The following TACC1 variants were observed in gnomAD, a reference collection of about 807,000 sequenced individuals.
The protein encoded by TACC1 is transforming acidic coiled-coil containing protein 1, also known as transforming acidic coiled-coil-containing protein 1.
Under a neutral mutation model 84.4 loss-of-function variants are expected in TACC1, and 48 were observed. The observed-to-expected ratio is 0.57, with a 90% CI of 0.45 to 0.72. The LOEUF (loss-of-function observed/expected upper bound fraction) is 0.72. Ranked by LOEUF, TACC1 falls within the 30% of genes least tolerant of loss-of-function variation. The pLI, the probability that TACC1 is intolerant of heterozygous loss-of-function variation, is 0.00. For missense variants in TACC1, 920 were observed against 973.0 expected (o/e 0.95, Z 0.72); for synonymous variants, 372 against 376.3 (o/e 0.99, Z 0.13).
In TACC1 at chr8:38,820,226, A is replaced by G. The variant is rs776960695; in HGVS notation, c.982A>G (p.Thr328Ala). 26 of 1,614,172 alleles carry G rather than the reference A, an allele frequency of 1.6e-5. No individual in the cohort carries two copies. The highest frequency in any genetic ancestry group is 2.2e-5 in the Non-Finnish European group (26 of 1,180,018). ...LKLEFDFTED[T>A]GNIEARKALP... Reference sequence around the variant, plus strand: ...GCTTGAGTTTGATTTCACAGAAGATACAGGAAACATAGAGGCCAGGAAAGC... The same window carrying G: ...GCTTGAGTTTGATTTCACAGAAGATGCAGGAAACATAGAGGCCAGGAAAGC... Residue 328 changes from threonine to alanine, a missense_variant, in exon 3 of 13, where the codon ACA (threonine) becomes GCA (alanine). By Grantham distance (58) the Thr-to-Ala change is moderately conservative. Transcript: ENST00000317827.
chr8:38,819,550 A>G lies in TACC1; in HGVS notation c.306A>G (p.Val102=), dbSNP rs1475333735. The stretch of plus-strand genomic sequence containing the variant: ...CACAAGAAGCTGATGAACAGCTTGT[A>G]GCAGAAGTGGTTGAAAAATGTTCAT... ...QESQEADEQL[V]AEVVEKCSSK... The change falls in exon 3 of 13, where the codon GTA becomes GTG. Residue 102 remains valine (V), a synonymous_variant. Coordinates refer to ENST00000317827, the MANE Select transcript of TACC1 (RefSeq NM_006283.3). 2 of 1,612,324 alleles carry G rather than the reference A, an allele frequency of 1.2e-6. No homozygotes were observed. Among genetic ancestry groups the G allele is most frequent in the Non-Finnish European group, 1.7e-6 (2 of 1,178,526 alleles).
chr8:38,777,241 G>T (rs2151923217), intron 3 of TACC1, among the ~76,000 whole-genome samples: 2 of 149,142 alleles, frequency 1.3e-5, no homozygotes, highest in Middle Eastern at 7.0e-3. Flanking sequence ...GGGCAACAGA[G>T]TGAGACTCCA....
intron 2 of TACC1, among the ~76,000 whole-genome samples, chr8:38,812,342 G>A (rs1005116180): frequency 6.6e-6 from 1 of 152,072 alleles, no homozygotes; most frequent in African/African-American, 2.4e-5. Flanking sequence ...AAACATGCTG[G>A]TTTTGCAGCT....
chr8:38,839,176 A>C (rs1270862273), intron 8 of TACC1: 8 of 346,656 alleles, frequency 2.3e-5, no homozygotes, highest in Admixed American at 9.6e-5. Context: ...GGCATGAGCC[A>C]CAGCGCCTGG....
chr8:38,828,214 C>T (rs1028221535), intron 5 of TACC1: 57 of 152,138 alleles, frequency 3.7e-4, no homozygotes, highest in African/African-American at 1.3e-3. Flanking sequence ...TTTGCATATA[C>T]TCATTCATAG....
chr8:38,789,014 C>T (rs944376930), intron 2 of TACC1, among the ~76,000 whole-genome samples, 195 bp downstream of exon 2: 2 of 152,084 alleles, frequency 1.3e-5, no homozygotes, highest in East Asian at 3.8e-4. Flanking sequence ...AGAGTTTGTG[C>T]ATTTGCAGTA....
upstream of TACC1, among the ~76,000 whole-genome samples, chr8:38,782,456 T>C (rs1816219841): frequency 6.6e-6 from 1 of 152,220 alleles, no homozygotes; most frequent in Non-Finnish European, 1.5e-5. Context: ...GTCTTTGCTA[T>C]TGTGAATAGT....
intron 4 of TACC1, 69 bp downstream of exon 4, chr8:38,825,437 T>C: frequency 6.3e-7 from 1 of 1,575,790 alleles, no homozygotes. Flanking sequence ...TGCATCCCCC[T>C]GGCGGGTGGT....
intron 2 of TACC1, among the ~76,000 whole-genome samples, chr8:38,811,270 C>T (rs562155105): frequency 4.0e-5 from 6 of 150,918 alleles, no homozygotes; most frequent in African/African-American, 1.2e-4. Flanking sequence ...CCCAAGCATT[C>T]ACTAGTATTT....
chr8:38,787,161 G>A (rs1427225947), upstream of TACC1: 69 of 984,452 alleles, frequency 7.0e-5, no homozygotes, highest in Non-Finnish European at 8.2e-5. Context: ...CGCGCGAGTA[G>A]TACGGTCCGA....
chr8:38,785,883 C>T (rs1277336357), upstream of TACC1: 1 of 222,232 alleles, frequency 4.5e-6, no homozygotes, highest in Non-Finnish European at 7.6e-6. Context: ...TCGAAAGCAT[C>T]CTGACACCCC....
At chr8:38,785,758 C>A, upstream of TACC1, 1 of 979,792 alleles carries the variant, frequency 1.0e-6, no homozygotes, top group Non-Finnish European at 1.2e-6. Context: ...CCTAAAACTA[C>A]AACAGTTGGA....
At chr8:38,813,462 C>T (rs1166199947) in intron 2 of TACC1, among the ~76,000 whole-genome samples, 1 of 152,184 alleles carries the variant, frequency 6.6e-6, no homozygotes, top group Non-Finnish European at 1.5e-5. Flanking sequence ...AGCCCATTGC[C>T]TAGTCCATCC....
chr8:38,788,753 C>G lies in TACC1; in HGVS notation c.211C>G (p.Arg71Gly). Residue 71 changes from arginine to glycine, a missense_variant, in exon 2 of 13, where the codon CGA (arginine) becomes GGA (glycine). Coordinates refer to ENST00000317827, the MANE Select transcript of TACC1 (RefSeq NM_006283.3). ...FETPEAETPI[R>G]SPFKESCDPS... ...GACTCCTGAAGCTGAAACCCCGATC[C>G]GATCACCTTTCAAGGAGTCCTGTGA... 6.2e-7 allele frequency: 1 copy of G among 1,614,032 alleles called. No homozygotes were observed. The highest frequency in any genetic ancestry group is 8.5e-7 in the Non-Finnish European group (1 of 1,179,964).
rs1409526722 is a variant in TACC1 at position 38,852,232 on chromosome 8, T to C, written c.*4209T>C. On this transcript the variant is annotated 3_prime_UTR_variant, in exon 13 of 13. Transcript: ENST00000317827. ...AAACAAGATTCCTAAGGAATGACTT[T>C]ATTAACTATAATATGGTTACAGCTA... 2 of 283,170 alleles carry C rather than the reference T, an allele frequency of 7.1e-6. No homozygotes were observed. The highest frequency in any genetic ancestry group is 8.2e-5 in the East Asian group (1 of 12,150). 17.5% of individuals were successfully genotyped at this position (283,170 alleles called of 1,614,324 possible).
chr8:38,730,093 G>A (rs2166614), intron 1 of TACC1, among the ~76,000 whole-genome samples: 99,394 of 152,120 alleles, frequency 0.65, 32,853 homozygotes, highest in East Asian at 0.95. Context: ...CTGACCTGCA[G>A]CAAGCAGTGC....
intron 3 of TACC1, among the ~76,000 whole-genome samples, chr8:38,757,730 G>T (rs565762829): frequency 9.2e-5 from 14 of 152,230 alleles, no homozygotes; most frequent in African/African-American, 3.4e-4. Context: ...GTCCTAAAGA[G>T]CTCTGAAACA....
intron 2 of TACC1, among the ~76,000 whole-genome samples, chr8:38,794,117 G>A (rs776709801): frequency 5.3e-5 from 8 of 152,122 alleles, no homozygotes; most frequent in Non-Finnish European, 1.0e-4. Flanking sequence ...CAAAGGGGAA[G>A]TGATGTAATT....
At chr8:38,803,020 C>CTAA (rs750694000) in intron 2 of TACC1, among the ~76,000 whole-genome samples, 4 of 152,114 alleles carry the variant, frequency 2.6e-5, no homozygotes, top group Non-Finnish European at 5.9e-5. Context: ...AAATTATTTC[C>CTAA]TAAATATTTT....
Sources: allele counts gnomAD v4.1 joint callset (sites outside exome capture counted in the v4.1 genomes callset), GRCh38; gene constraint gnomAD v4.1.1; transcripts MANE v1.5; gene names NCBI Gene and HGNC (gene_info 2026-07-23, HGNC 2026-07-21).